CD109: variants seen among roughly 807,000 people sequenced by gnomAD.
CD109 encodes the protein CD109 molecule, also known as CD109 antigen.
Under a neutral mutation model 165.8 loss-of-function variants are expected in CD109, and 149 were observed. The observed-to-expected ratio is 0.90, with a 90% CI of 0.79 to 1.03. CD109 has a LOEUF of 1.03. Among genes scored for constraint, CD109 ranks in the 50% least tolerant of loss-of-function variants. The pLI is 0.00. For synonymous variants in CD109, 585 were observed against 592.1 expected, an observed-to-expected ratio of 0.99 and a Z score of 0.18; for missense variants, 1,712 against 1,677.8, an observed-to-expected ratio of 1.02 and a Z score of -0.36.
intron 26 of CD109, among the ~76,000 whole-genome samples, 199 bp downstream of exon 26, chr6:73,808,447 C>T (rs1052644310): frequency 6.6e-6 from 1 of 152,062 alleles, no homozygotes; most frequent in African/African-American, 2.4e-5. Flanking sequence ...AATTTCAGGG[C>T]TCAGATGTCT....
intron 24 of CD109, among the ~76,000 whole-genome samples, chr6:73,806,063 G>A (rs1295941956): frequency 6.6e-6 from 1 of 152,118 alleles, no homozygotes; most frequent in Non-Finnish European, 1.5e-5. Flanking sequence ...ACATGCACAC[G>A]TATGTTTATT....
chr6:73,748,894 T>A (rs1211962819), intron 5 of CD109, among the ~76,000 whole-genome samples: 1 of 152,242 alleles, frequency 6.6e-6, no homozygotes, highest in Non-Finnish European at 1.5e-5. Flanking sequence ...TAGGACAGTG[T>A]ACATCAGCTG....
the CD109 span, among the ~76,000 whole-genome samples, chr6:73,680,028 G>A: frequency 5.9e-5 from 9 of 152,228 alleles, no homozygotes; most frequent in African/African-American, 2.2e-4. Flanking sequence ...AACTATATGT[G>A]GCTGATAAAG....
At chr6:73,701,566 C>T (rs749469681) in intron 2 of CD109, among the ~76,000 whole-genome samples, 1 of 152,114 alleles carries the variant, frequency 6.6e-6, no homozygotes, top group South Asian at 2.1e-4. Flanking sequence ...TGAGAACTGT[C>T]CTCTCATCTG....
At chr6:73,822,133 T>C (rs1776128591) in intron 32 of CD109, among the ~76,000 whole-genome samples, 1 of 152,202 alleles carries the variant, frequency 6.6e-6, no homozygotes, top group African/African-American at 2.4e-5. Context: ...GACGTAAAAA[T>C]AGAGAGCTGG....
rs755150333 is a variant in CD109, at chr6:73,814,970, A to AT, written c.3769-5dup. ...TCCAACTTGTTATTTATGCTAGTTT[A>AT]TTTTTTACAGCTCAATGTTGTATAT... On this transcript the variant is annotated splice_polypyrimidine_tract_variant and intron_variant, in intron 29 of 32. Transcript: ENST00000287097. 23 of 1,473,846 alleles carry AT rather than the reference A, an allele frequency of 1.6e-5. No individual in the cohort carries two copies. The highest frequency in any genetic ancestry group is 2.0e-5 in the Non-Finnish European group (22 of 1,119,642). 91.3% of individuals were successfully genotyped at this position (1,473,846 alleles called of 1,614,324 possible). A position where few individuals can be genotyped will look rare whatever the true frequency, so the allele number is the denominator to read the frequency against.
intron 2 of CD109, among the ~76,000 whole-genome samples, chr6:73,704,383 T>G (rs1771190699): frequency 2.0e-5 from 3 of 152,154 alleles, no homozygotes; most frequent in Admixed American, 2.0e-4. Flanking sequence ...CTCGTGGACT[T>G]TCATGTTTGC....
intron 3 of CD109, among the ~76,000 whole-genome samples, chr6:73,727,179 A>G (rs1772170642): frequency 6.6e-6 from 1 of 152,074 alleles, no homozygotes; most frequent in East Asian, 1.9e-4. Flanking sequence ...GCTTAAAGTC[A>G]ATAATCTTTT....
At chr6:73,790,915 C>T (rs1262000695) in intron 22 of CD109, among the ~76,000 whole-genome samples, 1 of 151,896 alleles carries the variant, frequency 6.6e-6, no homozygotes, top group East Asian at 1.9e-4. Flanking sequence ...TTAACCCTCA[C>T]AAATGGTTTG....
chr6:73,765,602 G>T (rs1773804517), intron 10 of CD109, among the ~76,000 whole-genome samples: 1 of 152,090 alleles, frequency 6.6e-6, no homozygotes, highest in South Asian at 2.1e-4. Context: ...CTGAGACCTT[G>T]GAGGAAGGGA....
At position 73,821,466 on chromosome 6, in the gene CD109, C is replaced by T. The variant is rs9442973; in HGVS notation, c.4162+903C>T. The stretch of plus-strand genomic sequence containing the variant: ...ATTCACAATAGCAAAGACAGGTCAT[C>T]GACCTAGGTGCCCATCAACTGTGAA... On this transcript the variant is annotated intron_variant, in intron 32 of 32. Transcript: ENST00000287097. Among the ~76,000 whole-genome samples, 595 of 152,234 alleles carry T rather than the reference C, an allele frequency of 3.9e-3. 5 individuals are homozygous for T. Among genetic ancestry groups the T allele is most frequent in the African/African-American group, 0.014 (561 of 41,542 alleles).
chr6:73,749,922 A>G, intron 5 of CD109, among the ~76,000 whole-genome samples: 1 of 152,204 alleles, frequency 6.6e-6, no homozygotes, highest in Non-Finnish European at 1.5e-5. Flanking sequence ...TGGTGGCAGC[A>G]TGTAGGGTGA....
At chr6:73,710,052 C>T (rs1771464420) in intron 2 of CD109, among the ~76,000 whole-genome samples, 1 of 152,204 alleles carries the variant, frequency 6.6e-6, no homozygotes, top group Non-Finnish European at 1.5e-5. Context: ...TGTCCTCTCT[C>T]ACCACTCCTA....
chr6:73,822,781 T>A (rs1177893601), intron 32 of CD109, among the ~76,000 whole-genome samples: 3 of 152,176 alleles, frequency 2.0e-5, no homozygotes, highest in Non-Finnish European at 4.4e-5. Flanking sequence ...CAACCCATTT[T>A]AAAAAATCTC....
chr6:73,711,534 G>GT lies in CD109; in HGVS notation c.248-11700dup, dbSNP rs765302167. On this transcript the variant is annotated intron_variant, in intron 2 of 32. Coordinates refer to ENST00000287097, the MANE Select transcript of CD109 (RefSeq NM_133493.5). ...TTGTATTTTTAAAATCGTACTTTAA[G>GT]TTTTTTTTTTTTTTTTTGAGACGGA... 1.1e-3 allele frequency among the ~76,000 whole-genome samples: 27 copies of GT among 23,490 alleles called. 5 individuals are homozygous for GT. The highest frequency in any genetic ancestry group is 1.4e-3 in the African/African-American group (24 of 17,102). 15.4% of individuals were successfully genotyped at this position (23,490 alleles called of 152,430 possible). A position where few individuals can be genotyped will look rare whatever the true frequency, so the allele number is the denominator to read the frequency against.
chr6:73,680,506 G>C, the CD109 span, among the ~76,000 whole-genome samples: 1 of 152,280 alleles, frequency 6.6e-6, no homozygotes, highest in African/African-American at 2.4e-5. Context: ...GACAGGATGT[G>C]AAAAATGAGC....
intron 23 of CD109, among the ~76,000 whole-genome samples, chr6:73,798,713 T>C (rs558925016): frequency 6.6e-6 from 1 of 152,168 alleles, no homozygotes; most frequent in East Asian, 1.9e-4. Context: ...GGAAGAATGG[T>C]GCTAGTTGTT....
chr6:73,730,747 A>G (rs1339570863), intron 4 of CD109, among the ~76,000 whole-genome samples, 173 bp downstream of exon 4: 1 of 152,176 alleles, frequency 6.6e-6, no homozygotes, highest in Non-Finnish European at 1.5e-5. Flanking sequence ...CACTGGGTTA[A>G]GAGCTCAGCC....
upstream of CD109, among the ~76,000 whole-genome samples, chr6:73,693,730 TA>T (rs1770729521): frequency 6.6e-6 from 1 of 152,078 alleles, no homozygotes; most frequent in Admixed American, 6.6e-5. Context: ...TTTGTATTTT[TA>T]GTAGAGACAG....
Sources: allele counts gnomAD v4.1 joint callset (sites outside exome capture counted in the v4.1 genomes callset), GRCh38; gene constraint gnomAD v4.1.1; transcripts MANE v1.5; gene names NCBI Gene and HGNC (gene_info 2026-07-23, HGNC 2026-07-21).